NIM1K: variants seen among roughly 807,000 people sequenced by gnomAD.
NIM1K encodes serine/threonine-protein kinase NIM1.
In NIM1K, 35 loss-of-function variants were observed where a neutral mutation model predicts 37.1. The observed-to-expected ratio is 0.94, with a 90% CI of 0.72 to 1.25. The LOEUF is 1.25. Among genes scored for constraint, NIM1K ranks in the 50% most tolerant of loss-of-function variants. The pLI is 0.00. For missense variants in NIM1K, 564 were observed against 548.0 expected (o/e 1.03, Z -0.29); for synonymous variants, 234 against 206.6 (o/e 1.13, Z -1.14).
intron 2 of NIM1K, among the ~76,000 whole-genome samples, chr5:43,249,097 T>C (rs1339680192): frequency 6.6e-6 from 1 of 150,610 alleles, no homozygotes; most frequent in African/African-American, 2.4e-5. Context: ...TGAGACAGAG[T>C]CTCGCTCTGT....
intron 2 of NIM1K, 147 bp downstream of exon 2, chr5:43,246,214 G>A (rs756334559): frequency 8.3e-6 from 5 of 599,322 alleles, no homozygotes; most frequent in Non-Finnish European, 1.4e-5. Context: ...CGCCTTCTGT[G>A]GTCTTCTCAG....
chr5:43,228,061 G>T (rs899331352), intron 1 of NIM1K, among the ~76,000 whole-genome samples: 1 of 152,064 alleles, frequency 6.6e-6, no homozygotes, highest in Non-Finnish European at 1.5e-5. Flanking sequence ...TAATTTGGGG[G>T]AATCTCCCTC....
Position 43,193,862 on chromosome 5 carries a change from C to T in NIM1K, c.-695+1451C>T, listed in dbSNP as rs187356886. On this transcript the variant is annotated intron_variant, in intron 1 of 3. Coordinates refer to ENST00000326035, the MANE Select transcript of NIM1K (RefSeq NM_153361.4). ...TATTGAGAGGCTGTCTAGTTAGAAG[C>T]AGGAACTGTTCTCCAGAGGACCTTC... Among the ~76,000 whole-genome samples the T allele has an allele frequency of 9.1e-3, 1,386 of 152,290 alleles. 18 individuals carry two copies. Among genetic ancestry groups the T allele is most frequent in the South Asian group, 0.019 (91 of 4,826 alleles).
chr5:43,216,557 G>T (rs1752302505), intron 1 of NIM1K, among the ~76,000 whole-genome samples: 1 of 152,220 alleles, frequency 6.6e-6, no homozygotes, highest in African/African-American at 2.4e-5. Context: ...AGGTGAGCAA[G>T]AAGTATTTTG....
At chr5:43,262,959 G>A (rs910292197) in intron 2 of NIM1K, among the ~76,000 whole-genome samples, 1 of 152,186 alleles carries the variant, frequency 6.6e-6, no homozygotes, top group Non-Finnish European at 1.5e-5. Flanking sequence ...TAGGGATGAA[G>A]CCAACTTGAT....
At position 43,213,222 on chromosome 5, in the gene NIM1K, T is replaced by C. The variant is rs1374424504; in HGVS notation, c.-695+20811T>C. Among the ~76,000 whole-genome samples, 81 of 140,286 alleles carry C rather than the reference T, an allele frequency of 5.8e-4. 1 individual carries two copies. The highest frequency in any genetic ancestry group is 1.7e-3 in the African/African-American group (64 of 36,760). 92.0% of individuals were successfully genotyped at this position (140,286 alleles called of 152,430 possible). On this transcript the variant is annotated intron_variant, in intron 1 of 3. Coordinates refer to ENST00000326035, the MANE Select transcript of NIM1K (RefSeq NM_153361.4). Reference sequence around the variant, plus strand: ...CTTTCTTTCTTTCTTTCTTTCTTTCTTTCCTTCTTTTCTTCCTTTCTTTCT... The same window carrying C: ...CTTTCTTTCTTTCTTTCTTTCTTTCCTTCCTTCTTTTCTTCCTTTCTTTCT...
chr5:43,213,189 CTT>C (rs1202018507), intron 1 of NIM1K, among the ~76,000 whole-genome samples: 4 of 59,310 alleles, frequency 6.7e-5, no homozygotes, highest in African/African-American at 2.2e-4. Flanking sequence ...TTCTTTCTTT[CTT>C]TCTTTCTTTC....
chr5:43,211,337 C>T (rs1392043820), intron 1 of NIM1K, among the ~76,000 whole-genome samples: 1 of 152,126 alleles, frequency 6.6e-6, no homozygotes, highest in East Asian at 1.9e-4. Context: ...AGGTTCTGGT[C>T]TGCTCAGTTG....
chr5:43,226,503 C>G (rs1752459193), intron 1 of NIM1K, among the ~76,000 whole-genome samples: 1 of 152,150 alleles, frequency 6.6e-6, no homozygotes, highest in South Asian at 2.1e-4. Flanking sequence ...GGATGTCTTG[C>G]CATTTACCAA....
At chr5:43,261,701 T>C in intron 2 of NIM1K, among the ~76,000 whole-genome samples, 1 of 152,154 alleles carries the variant, frequency 6.6e-6, no homozygotes, top group East Asian at 1.9e-4. Flanking sequence ...ATGTCCTGAA[T>C]GGTATTGCCT....
intron 1 of NIM1K, among the ~76,000 whole-genome samples, chr5:43,238,008 C>T (rs1328903027): frequency 1.3e-5 from 2 of 148,540 alleles, no homozygotes; most frequent in African/African-American, 4.9e-5. Flanking sequence ...CTTATCTCTT[C>T]TCGATTTTTC....
chr5:43,256,610 G>T (rs953230542), intron 2 of NIM1K, among the ~76,000 whole-genome samples: 3 of 152,158 alleles, frequency 2.0e-5, no homozygotes, highest in Non-Finnish European at 2.9e-5. Context: ...TTCAGTGCTT[G>T]CAGGACTGAC....
chr5:43,232,880 C>A (rs754833443), intron 1 of NIM1K: 159 of 1,135,832 alleles, frequency 1.4e-4, no homozygotes, highest in Non-Finnish European at 1.9e-4. Context: ...CTGGAAGCAT[C>A]TTCCTTGCCT....
At position 43,245,013 on chromosome 5, in the gene NIM1K, G is replaced by C. The variant is rs1579976732; in HGVS notation, c.-694-69G>C. On this transcript the variant is annotated intron_variant, in intron 1 of 3. Coordinates refer to ENST00000326035, the MANE Select transcript of NIM1K (RefSeq NM_153361.4). ...TTAGATCAATGCTTACAAAGCAGTT[G>C]CACATTCATTACAAATCCTGTACAG... The C allele has an allele frequency of 3.9e-5, 6 of 152,106 alleles. No individual in the cohort carries two copies. In the South Asian group the frequency reaches 8.3e-4, roughly 21 times the overall value. 9.4% of individuals were successfully genotyped at this position (152,106 alleles called of 1,614,324 possible).
intron 2 of NIM1K, among the ~76,000 whole-genome samples, chr5:43,273,026 TC>T (rs994714248): frequency 2.6e-5 from 4 of 152,106 alleles, no homozygotes; most frequent in Non-Finnish European, 4.4e-5. Flanking sequence ...GTCAGACTTC[TC>T]ATCAGATTTG....
chr5:43,262,916 T>C (rs140270554), intron 2 of NIM1K, among the ~76,000 whole-genome samples: 2 of 152,328 alleles, frequency 1.3e-5, no homozygotes, highest in African/African-American at 4.8e-5. Flanking sequence ...ATTACGTTTA[T>C]TGATTTGCGT....
chr5:43,252,532 T>A (rs1376360011), intron 2 of NIM1K, among the ~76,000 whole-genome samples: 3 of 151,604 alleles, frequency 2.0e-5, no homozygotes, highest in African/African-American at 7.3e-5. Flanking sequence ...GCAGAGAGTT[T>A]CAGTGCCAGG....
chr5:43,237,923 G>A (rs1752644038), intron 1 of NIM1K, among the ~76,000 whole-genome samples: 1 of 151,942 alleles, frequency 6.6e-6, no homozygotes, highest in African/African-American at 2.4e-5. Flanking sequence ...GAGCATAATA[G>A]TGTAACGGGA....
intron 2 of NIM1K, among the ~76,000 whole-genome samples, chr5:43,268,970 T>C (rs1753212641): frequency 6.6e-6 from 1 of 152,168 alleles, no homozygotes; most frequent in African/African-American, 2.4e-5. Flanking sequence ...TTTTTCTTTT[T>C]TTTAACTGTT....
Sources: gnomAD v4.1 joint callset for allele counts (sites outside exome capture counted in the v4.1 genomes callset) on GRCh38, gnomAD v4.1.1 for gene constraint, MANE v1.5 for transcripts, NCBI Gene and HGNC (gene_info 2026-07-23, HGNC 2026-07-21) for gene names.